Variants in C10orf53 observed in about 807,000 individuals in gnomAD.
C10orf53 encodes UPF0728 protein C10orf53.
A neutral mutation model predicts 9.4 loss-of-function variants in C10orf53; 8 were observed. That is an observed-to-expected ratio of 0.85 (90% CI 0.50 to 1.53). The LOEUF is 1.53. Among genes scored for constraint, C10orf53 ranks in the 40% most tolerant of loss-of-function variants. The pLI, the probability that C10orf53 is intolerant of heterozygous loss-of-function variation, is 0.00. For missense variants in C10orf53, 117 were observed against 117.8 expected (o/e 0.99, Z 0.03); for synonymous variants, 48 against 46.0 (o/e 1.04, Z -0.18).
intron 1 of C10orf53, among the ~76,000 whole-genome samples, chr10:49,686,235 CT>C (rs1250402823): frequency 2.6e-5 from 4 of 152,210 alleles, no homozygotes; most frequent in African/African-American, 4.8e-5. Context: ...ACATTTATCA[CT>C]TCCCCAATCA....
chr10:49,702,099 AG>A (rs1489491550), downstream of C10orf53, among the ~76,000 whole-genome samples: 1 of 152,188 alleles, frequency 6.6e-6, no homozygotes, highest in African/African-American at 2.4e-5. Context: ...TGGGAGGCTG[AG>A]GTAGGAGAAT....
chr10:49,699,188 A>ATTTTT (rs1210027084), downstream of C10orf53, among the ~76,000 whole-genome samples: 21 of 47,782 alleles, frequency 4.4e-4, 1 homozygote, highest in South Asian at 9.9e-4. Context: ...TGGTGGCTCA[A>ATTTTT]TCTTTTTTTT....
exon 3 of C10orf53, chr10:49,708,760 C>G: frequency 1.6e-6 from 2 of 1,256,774 alleles, no homozygotes; most frequent in African/African-American, 3.0e-5. Flanking sequence ...AGCTAGATGT[C>G]CCACAGGCAA....
At position 49,707,679 on chromosome 10, in the gene C10orf53, GA is replaced by G. The variant is rs1176715366; in HGVS notation, c.218-676del. Among the ~76,000 whole-genome samples, 59 of 152,180 alleles carry G rather than the reference GA, an allele frequency of 3.9e-4. 1 individual carries two copies. The highest frequency in any genetic ancestry group is 1.4e-3 in the African/African-American group (57 of 41,542). ...ATGAGTTAAATACCCAATTCATAATGAAAAAATATCTTAAACCACTTGTTGA... is the reference window on the plus strand; with the variant it reads ...ATGAGTTAAATACCCAATTCATAATGAAAAATATCTTAAACCACTTGTTGA... On this transcript the variant is annotated intron_variant, in intron 2 of 2. Transcript: ENST00000374112.
chr10:49,701,241 C>T (rs954265875), downstream of C10orf53, among the ~76,000 whole-genome samples: 6 of 152,024 alleles, frequency 3.9e-5, no homozygotes, highest in Admixed American at 3.9e-4. Context: ...CAGGTTTCAG[C>T]TCGTTCAATC....
In C10orf53 at chr10:49,694,902, A is replaced by T; in HGVS notation, c.*300A>T. ...GGAAACAATAAAATGCAATCAAATAACAAGGTGCCATTCCTGACTAATAAC... is the reference window on the plus strand; with the variant it reads ...GGAAACAATAAAATGCAATCAAATATCAAGGTGCCATTCCTGACTAATAAC... On this transcript the variant is annotated 3_prime_UTR_variant, in exon 3 of 3. Coordinates refer to ENST00000374111, the MANE Select transcript of C10orf53 (RefSeq NM_001042427.3). 8.6e-7 allele frequency: 1 copy of T among 1,158,238 alleles called. No homozygotes were observed. The highest frequency in any genetic ancestry group is 1.1e-6 in the Non-Finnish European group (1 of 938,742). The allele number at this position is 1,158,238 out of a possible 1,614,324, so 71.7% of individuals were successfully genotyped here. A position where few individuals can be genotyped will look rare whatever the true frequency, so the allele number is the denominator to read the frequency against.
downstream of C10orf53, among the ~76,000 whole-genome samples, chr10:49,699,118 A>G (rs1320367731): frequency 6.6e-6 from 1 of 151,522 alleles, no homozygotes; most frequent in Non-Finnish European, 1.5e-5. Flanking sequence ...GGCATTTTTA[A>G]AATAGCCCAA....
chr10:49,708,740 G>C, exon 3 of C10orf53: 2 of 1,427,698 alleles, frequency 1.4e-6, no homozygotes, highest in East Asian at 4.7e-5. Flanking sequence ...CACATCTCCC[G>C]AACCTCTCCA....
intron 1 of C10orf53, among the ~76,000 whole-genome samples, chr10:49,689,531 AAAC>A (rs2132879188): frequency 6.6e-6 from 1 of 152,316 alleles, no homozygotes; most frequent in Non-Finnish European, 1.5e-5. Flanking sequence ...ATAAAAGAAA[AAAC>A]AAACCTCACA....
chr10:49,691,233 A>G (rs1840581216), intron 1 of C10orf53, among the ~76,000 whole-genome samples: 1 of 152,196 alleles, frequency 6.6e-6, no homozygotes, highest in South Asian at 2.1e-4. Context: ...TGATCCCTTA[A>G]GCCTGCACTG....
chr10:49,694,799 A>G lies in C10orf53; in HGVS notation c.*197A>G, dbSNP rs976930628. 95 of 1,395,264 alleles carry G rather than the reference A, an allele frequency of 6.8e-5. No individual in the cohort carries two copies. Among genetic ancestry groups the G allele is most frequent in the South Asian group, 4.2e-4 (24 of 56,868 alleles). The allele number at this position is 1,395,264 out of a possible 1,614,324, so 86.4% of individuals were successfully genotyped here. A position where few individuals can be genotyped will look rare whatever the true frequency, so the allele number is the denominator to read the frequency against. The stretch of plus-strand genomic sequence containing the variant: ...GCACAGGAGCCCACAGAAATAATAA[A>G]AACCACATCATTTATAACATGTCTC... On this transcript the variant is annotated 3_prime_UTR_variant, in exon 3 of 3. Coordinates refer to ENST00000374111, the MANE Select transcript of C10orf53 (RefSeq NM_001042427.3).
chr10:49,688,904 C>T (rs775965495), intron 1 of C10orf53, among the ~76,000 whole-genome samples: 44 of 152,156 alleles, frequency 2.9e-4, no homozygotes, highest in Non-Finnish European at 2.2e-4. Flanking sequence ...TCTCCCTTCC[C>T]TCCTTATTTC....
In C10orf53 at chr10:49,694,859, G is replaced by A; in HGVS notation, c.*257G>A. ...CCATAGGGAGAGCCCTCCAATATCA[G>A]GTACACATTGAGCTGAAGGAAACAA... On this transcript the variant is annotated 3_prime_UTR_variant, in exon 3 of 3. Transcript: ENST00000374111. 1 of 1,292,356 alleles carries A rather than the reference G, an allele frequency of 7.7e-7. No individual in the cohort carries two copies. Among genetic ancestry groups the A allele is most frequent in the Non-Finnish European group, 9.8e-7 (1 of 1,019,416 alleles). The allele number at this position is 1,292,356 out of a possible 1,614,324, so 80.1% of individuals were successfully genotyped here. A position where few individuals can be genotyped will look rare whatever the true frequency, so the allele number is the denominator to read the frequency against.
chr10:49,682,778 CAAGTCCCCACCCGACCCAG>C lies in C10orf53; in HGVS notation c.97+2988_97+3006del, dbSNP rs977402798. Among the ~76,000 whole-genome samples the C allele has an allele frequency of 1.9e-3, 295 of 152,318 alleles. 1 individual carries two copies. Among genetic ancestry groups the C allele is most frequent in the African/African-American group, 6.6e-3 (276 of 41,578 alleles). Reference sequence around the variant, plus strand: ...CCACTAGCTAGACAGAAAAGTTCTCCAAGTCCCCACCCGACCCAGAAGCCCAGCTGGCTTCACCTCTCAC... The same window carrying C: ...CCACTAGCTAGACAGAAAAGTTCTCCAAGCCCAGCTGGCTTCACCTCTCAC... On this transcript the variant is annotated intron_variant, in intron 1 of 2. Transcript: ENST00000374111.
At chr10:49,687,912 A>G (rs1055416144) in intron 1 of C10orf53, among the ~76,000 whole-genome samples, 2 of 152,198 alleles carry the variant, frequency 1.3e-5, no homozygotes, top group African/African-American at 4.8e-5. Context: ...GAAGAAATTT[A>G]AGAAGGAGAA....
At chr10:49,686,742 G>T (rs375777934) in intron 1 of C10orf53, among the ~76,000 whole-genome samples, 1 of 152,170 alleles carries the variant, frequency 6.6e-6, no homozygotes, top group Non-Finnish European at 1.5e-5. Flanking sequence ...TAGTCAGACC[G>T]GTTGTCTGCT....
exon 3 of C10orf53, chr10:49,709,943 A>ATGTGTG (rs1840750874): frequency 9.7e-6 from 1 of 102,698 alleles, no homozygotes; most frequent in African/African-American, 3.6e-5. Flanking sequence ...GGCACCCTAT[A>ATGTGTG]TCTGTGTGTG....
intron 1 of C10orf53, among the ~76,000 whole-genome samples, chr10:49,687,370 T>C (rs750480208): frequency 2.6e-5 from 4 of 152,236 alleles, no homozygotes; most frequent in Non-Finnish European, 5.9e-5. Flanking sequence ...CCACAAATCA[T>C]GTCAGCTTTA....
chr10:49,699,619 A>G (rs917878276), downstream of C10orf53, among the ~76,000 whole-genome samples: 7 of 151,804 alleles, frequency 4.6e-5, no homozygotes, highest in African/African-American at 1.2e-4. Flanking sequence ...TGCAGGGGGC[A>G]CTCCAGTTTA....
Sources: gnomAD v4.1 joint callset for allele counts (sites outside exome capture counted in the v4.1 genomes callset) on GRCh38, gnomAD v4.1.1 for gene constraint, MANE v1.5 for transcripts, NCBI Gene and HGNC (gene_info 2026-07-23, HGNC 2026-07-21) for gene names.